Variants in PGAP6 observed in about 807,000 individuals in gnomAD.
PGAP6 encodes the protein post-GPI attachment to proteins factor 6.
PGAP6 carries 62 observed loss-of-function variants against 68.4 expected under a neutral mutation model. That is an observed-to-expected ratio of 0.91 (90% confidence interval 0.74 to 1.12). The LOEUF is 1.12. Among genes scored for constraint, PGAP6 ranks in the 50% most tolerant of loss-of-function variants. The pLI, the probability that PGAP6 is intolerant of heterozygous loss-of-function variation, is 0.00. For synonymous variants in PGAP6, 575 were observed against 474.0 expected (o/e 1.21, Z -2.77); for missense variants, 1,188 against 1,068.5 (o/e 1.11, Z -1.56).
chr16:375,052 C>T, intron 8 of PGAP6, 81 bp downstream of exon 8: 1 of 1,585,890 alleles, frequency 6.3e-7, no homozygotes, highest in Non-Finnish European at 8.6e-7. Context: ...ACTCCGAACG[C>T]CAACCTCAGG....
In PGAP6 at chr16:381,933, G is replaced by C; in HGVS notation, c.-112C>G. 1.0e-6 allele frequency: 1 copy of C among 972,456 alleles called. No individual in the cohort carries two copies. Among genetic ancestry groups the C allele is most frequent in the East Asian group, 1.1e-4 (1 of 8,698 alleles). The allele number at this position is 972,456 out of a possible 1,614,324, so 60.2% of individuals were successfully genotyped here. A position where few individuals can be genotyped will look rare whatever the true frequency, so the allele number is the denominator to read the frequency against. ...CTCTGCCGCCTCCGCCTCTGCCCCC[G>C]GCGCCCATGGCCCGGCCGGTCCCCG... On this transcript the variant is annotated 5_prime_UTR_variant, in exon 1 of 13. Coordinates refer to ENST00000431232, the MANE Select transcript of PGAP6 (RefSeq NM_021259.3).
At chr16:374,715 C>T (rs769533879) in intron 9 of PGAP6, 41 bp downstream of exon 9, 1 of 1,607,964 alleles carries the variant, frequency 6.2e-7, no homozygotes. Flanking sequence ...TGGAAGCCAA[C>T]AGCAGCAGCG....
intron 1 of PGAP6, among the ~76,000 whole-genome samples, chr16:379,772 C>T (rs2054422578): frequency 1.3e-5 from 2 of 152,202 alleles, no homozygotes; most frequent in South Asian, 4.1e-4. Flanking sequence ...CCAGGGCTCA[C>T]AGCCCCTCCA....
At chr16:375,948 G>A (rs904491860) in intron 6 of PGAP6, among the ~76,000 whole-genome samples, 188 bp downstream of exon 6, 1 of 152,190 alleles carries the variant, frequency 6.6e-6, no homozygotes, top group African/African-American at 2.4e-5. Flanking sequence ...CCACAGCCCC[G>A]GGGCCTGTTG....
intron 11 of PGAP6, 37 bp downstream of exon 11, chr16:373,968 C>A (rs1036187510): frequency 6.4e-7 from 1 of 1,565,302 alleles, no homozygotes; most frequent in African/African-American, 1.4e-5. Flanking sequence ...GGGCCCTGCT[C>A]CCCCGGAGCC....
chr16:380,284 C>T (rs992827146), intron 1 of PGAP6, among the ~76,000 whole-genome samples: 9 of 152,298 alleles, frequency 5.9e-5, no homozygotes, highest in African/African-American at 2.2e-4. Context: ...GCCATGAACA[C>T]GGCTCACCGC....
chr16:376,876 C>G, intron 4 of PGAP6, 64 bp from the exon 5 acceptor site: 1 of 1,581,022 alleles, frequency 6.3e-7, no homozygotes, highest in Admixed American at 1.7e-5. Flanking sequence ...CGCAGCGTGC[C>G]CAGGCTCTGC....
upstream of PGAP6, among the ~76,000 whole-genome samples, chr16:386,178 C>T (rs1006391903): frequency 5.9e-5 from 9 of 151,764 alleles, no homozygotes; most frequent in Non-Finnish European, 1.0e-4. Flanking sequence ...GTGTGCTCTT[C>T]GCCCAGCAGC....
chr16:372,399 G>A lies in PGAP6; in HGVS notation c.2020-116C>T, dbSNP rs557471974. The A allele has an allele frequency of 1.2e-5, 14 of 1,216,020 alleles. No individual in the cohort carries two copies. The East Asian group carries it at 2.6e-4, about 23-fold the overall frequency. 75.3% of individuals were successfully genotyped at this position (1,216,020 alleles called of 1,614,324 possible). On this transcript the variant is annotated intron_variant, in intron 12 of 12. Coordinates refer to ENST00000431232, the MANE Select transcript of PGAP6 (RefSeq NM_021259.3). ...CAGGTCTGGGCAGCAGAACGACAAG[G>A]GTGGGCTGCTTCGAGGGGGCTCAAG...
At chr16:383,161 A>G (rs572288089), upstream of PGAP6, 2 of 151,856 alleles carry the variant, frequency 1.3e-5, no homozygotes, top group Non-Finnish European at 2.9e-5. Context: ...AAAACAAAAC[A>G]CTAAAGTGTC....
chr16:372,209 G>A lies in PGAP6; in HGVS notation c.2094C>T (p.Gly698=), dbSNP rs771840577. Residue 698 remains glycine, a synonymous_variant, in exon 13 of 13, where the codon GGC becomes GGT. Transcript: ENST00000431232. ...WQRWAFYLLP[G]VSMASVGIAI... ...CGATGCCCACAGAGGCCATAGAGAC[G>A]CCGGGCAGGAGGTAGAAGGCCCAGC... is the stretch of plus-strand genomic sequence containing the variant. 6.2e-6 allele frequency: 10 copies of A among 1,612,488 alleles called. No individual in the cohort carries two copies. The highest frequency in any genetic ancestry group is 2.2e-5 in the South Asian group (2 of 91,078).
At chr16:379,664 G>A (rs2054421763) in intron 1 of PGAP6, among the ~76,000 whole-genome samples, 1 of 152,230 alleles carries the variant, frequency 6.6e-6, no homozygotes. Context: ...GCGCCAGCCT[G>A]AGGGCACCTA....
At position 370,998 on chromosome 16, in the gene PGAP6, G is replaced by C. The variant is rs567587066; in HGVS notation, c.*989C>G. On this transcript the variant is annotated 3_prime_UTR_variant, in exon 13 of 13. Coordinates refer to ENST00000431232, the MANE Select transcript of PGAP6 (RefSeq NM_021259.3). ...AGACCTTCAGGAAGGCCATATCCCG[G>C]ACAAGACCCAGAAGGGAAGCCCCCA... The C allele has an allele frequency of 7.9e-5, 12 of 152,366 alleles. No individual in the cohort carries two copies. Among genetic ancestry groups the C allele is most frequent in the Admixed American group, 4.6e-4 (7 of 15,296 alleles). 9.4% of individuals were successfully genotyped at this position (152,366 alleles called of 1,614,324 possible).
In PGAP6 at chr16:374,204, A is replaced by C. The variant is rs749938036; in HGVS notation, c.1755+17T>G. On this transcript the variant is annotated intron_variant, in intron 10 of 12. Coordinates refer to ENST00000431232, the MANE Select transcript of PGAP6 (RefSeq NM_021259.3). Reference sequence around the variant, plus strand: ...CTGCCCTCCCACCCCACATCCCTGCAGGAGGGGCCAGCCTACCGTGGAGAA... The same window carrying C: ...CTGCCCTCCCACCCCACATCCCTGCCGGAGGGGCCAGCCTACCGTGGAGAA... 1.1e-5 allele frequency: 18 copies of C among 1,610,490 alleles called. No individual in the cohort carries two copies. The highest frequency in any genetic ancestry group is 1.5e-5 in the Non-Finnish European group (18 of 1,179,732).
Position 377,400 on chromosome 16 carries a change from G to A in PGAP6, c.485C>T (p.Ser162Leu), listed in dbSNP as rs902494635. 2.3e-5 allele frequency: 37 copies of A among 1,603,150 alleles called. No individual in the cohort carries two copies. Among genetic ancestry groups the A allele is most frequent in the Admixed American group, 8.5e-5 (5 of 59,144 alleles). The change falls in exon 3 of 13, where the codon TCA becomes TTA. Residue 162 changes from serine (S) to leucine (L), a missense_variant. Physicochemically the swap from Ser to Leu is moderately radical, Grantham distance 145. Transcript: ENST00000431232. ...CACCTTCAACTCGATCTTCTGGGAT[G>A]AGGGGGGCAGGTGGGCGGCCACGAA... The part of the protein sequence containing the change: ...DWFVAAHLPP[S>L]SQKIELKGLA...
chr16:381,864 C>A lies in PGAP6; in HGVS notation c.-43G>T. 1 of 979,728 alleles carries A rather than the reference C, an allele frequency of 1.0e-6. No individual in the cohort carries two copies. The highest frequency in any genetic ancestry group is 4.5e-5 in the South Asian group (1 of 22,048). 60.7% of individuals were successfully genotyped at this position (979,728 alleles called of 1,614,324 possible). ...GGCGCTACCCGGCCCGCGTCCCGCG[C>A]CGCCGGCCCCCGCCGCCGCCCGGGC... On this transcript the variant is annotated 5_prime_UTR_variant, in exon 1 of 13. Transcript: ENST00000431232.
upstream of PGAP6, chr16:382,174 T>G (rs1197826820): frequency 6.0e-4 from 221 of 370,972 alleles, no homozygotes; most frequent in Non-Finnish European, 3.0e-4. Flanking sequence ...GGGCGCGGGA[T>G]GGAGGGATCG....
chr16:383,657 C>T (rs1376841421), upstream of PGAP6, among the ~76,000 whole-genome samples: 4 of 152,256 alleles, frequency 2.6e-5, no homozygotes, highest in Non-Finnish European at 5.9e-5. Flanking sequence ...GTTCAAAGCT[C>T]TACCATTTGT....
chr16:382,737 G>T (rs1159169918), upstream of PGAP6, among the ~76,000 whole-genome samples: 1 of 146,894 alleles, frequency 6.8e-6, no homozygotes, highest in Non-Finnish European at 1.5e-5. Context: ...GTTCCGCCGC[G>T]TCGTGGGTGG....
Sources: gnomAD v4.1 joint callset for allele counts (sites outside exome capture counted in the v4.1 genomes callset) on GRCh38, gnomAD v4.1.1 for gene constraint, MANE v1.5 for transcripts, NCBI Gene and HGNC (gene_info 2026-07-23, HGNC 2026-07-21) for gene names.